The following SOX5 variants were observed in gnomAD, a reference collection of about 807,000 sequenced individuals.
The protein encoded by SOX5 is transcription factor SOX-5.
SOX5 carries 9 observed loss-of-function variants against 92.0 expected under a neutral mutation model. That is an observed-to-expected ratio of 0.10 (90% CI 0.06 to 0.17). SOX5 has a LOEUF of 0.17. SOX5 is among the 10% of genes least tolerant of loss of function. The pLI is 1.00. For synonymous variants in SOX5, 344 were observed against 336.3 expected (o/e 1.02, Z -0.25); for missense variants, 642 against 944.5 (o/e 0.68, Z 4.20).
At chr12:24,503,778 A>T (rs974802159) in intron 1 of SOX5, among the ~76,000 whole-genome samples, 1 of 152,158 alleles carries the variant, frequency 6.6e-6, no homozygotes, top group African/African-American at 2.4e-5. Context: ...GAACAATGAG[A>T]ACACATGGAC....
intron 4 of SOX5, among the ~76,000 whole-genome samples, chr12:24,065,111 T>G (rs1250276934): frequency 6.6e-6 from 1 of 152,104 alleles, no homozygotes; most frequent in Non-Finnish European, 1.5e-5. Flanking sequence ...AAGGGCAGTT[T>G]AGGGATGTGC....
At chr12:24,068,704 G>GTATATATATATATATA (rs1164844032) in intron 4 of SOX5, among the ~76,000 whole-genome samples, 4 of 74,320 alleles carry the variant, frequency 5.4e-5, no homozygotes, top group African/African-American at 2.3e-4. Context: ...GTGTGTGTGT[G>GTATATATATATATATA]TATATATATA....
intron 2 of SOX5, among the ~76,000 whole-genome samples, chr12:23,847,197 C>T (rs765784966): frequency 6.6e-5 from 10 of 151,902 alleles, no homozygotes; most frequent in Non-Finnish European, 1.2e-4. Flanking sequence ...TAATCCTTTA[C>T]CTCTCACAAA....
chr12:24,116,898 G>T (rs993385151), intron 4 of SOX5, among the ~76,000 whole-genome samples: 1 of 150,570 alleles, frequency 6.6e-6, no homozygotes, highest in Non-Finnish European at 1.5e-5. Context: ...ACATATTTAT[G>T]TGTATGTATG....
chr12:23,564,759 T>G (rs1195237729), intron 10 of SOX5, among the ~76,000 whole-genome samples: 1 of 152,250 alleles, frequency 6.6e-6, no homozygotes, highest in Admixed American at 6.5e-5. Context: ...GTCTCAATTA[T>G]GAATGTTCTG....
At chr12:24,547,480 C>T (rs906217449) in intron 1 of SOX5, among the ~76,000 whole-genome samples, 10 of 152,096 alleles carry the variant, frequency 6.6e-5, no homozygotes, top group Admixed American at 2.0e-4. Flanking sequence ...CGTGAGCCAC[C>T]GCGCCCGGCC....
chr12:23,960,285 T>G lies in SOX5; in HGVS notation c.-1-64261A>C, dbSNP rs1946744106. Among the ~76,000 whole-genome samples the G allele has an allele frequency of 2.0e-5, 3 of 152,012 alleles. No individual in the cohort carries two copies. In the South Asian group the frequency reaches 6.2e-4, roughly 32 times the overall value. On this transcript the variant is annotated intron_variant, in intron 4 of 4. Transcript: ENST00000446891. ...GCAAAAGCTTACACACACACTGTGT[T>G]TGTGACCTATGTAAAGTGGCACTCT...
At chr12:24,491,244 A>G (rs569898287) in intron 1 of SOX5, among the ~76,000 whole-genome samples, 1 of 152,282 alleles carries the variant, frequency 6.6e-6, no homozygotes, top group South Asian at 2.1e-4. Context: ...ACTTATCTGT[A>G]ACTCTGACTT....
chr12:23,708,155 T>C (rs1352234269), intron 6 of SOX5, among the ~76,000 whole-genome samples: 1 of 151,670 alleles, frequency 6.6e-6, no homozygotes, highest in Non-Finnish European at 1.5e-5. Flanking sequence ...CAGAAGAATT[T>C]TTTTGTTCTA....
At position 24,044,365 on chromosome 12, in the gene SOX5, T is replaced by G. The variant is rs116350782; in HGVS notation, c.-1-148341A>C. ...CAATAGAACTATGCACAGGGTATAGTAAGTGCCAAAATATTGCTGCCTTTT... is the reference window on the plus strand; with the variant it reads ...CAATAGAACTATGCACAGGGTATAGGAAGTGCCAAAATATTGCTGCCTTTT... On this transcript the variant is annotated intron_variant, in intron 4 of 4. Coordinates refer to the SOX5 transcript ENST00000446891. Among the ~76,000 whole-genome samples, 890 of 152,302 alleles carry G rather than the reference T, an allele frequency of 5.8e-3. 10 individuals are homozygous for G. The highest frequency in any genetic ancestry group is 0.02 in the African/African-American group (845 of 41,558).
In SOX5 at chr12:24,213,288, T is replaced by C. The variant is rs539557424; in HGVS notation, c.-2+55A>G. ...AAGCAAGTGGCAAGAGATTTGAGAA[T>C]TGTAAAACTGATGGCAAAAGAATGA... is the stretch of plus-strand genomic sequence containing the variant. On this transcript the variant is annotated intron_variant, in intron 4 of 4. Transcript: ENST00000446891. The C allele has an allele frequency of 4.6e-5, 7 of 151,980 alleles. No individual in the cohort carries two copies. In the East Asian group the frequency reaches 1.4e-3, roughly 29 times the overall value. 9.4% of individuals were successfully genotyped at this position (151,980 alleles called of 1,614,324 possible).
intron 7 of SOX5, among the ~76,000 whole-genome samples, chr12:23,664,108 T>G (rs1284600418): frequency 6.6e-6 from 1 of 152,130 alleles, no homozygotes; most frequent in Non-Finnish European, 1.5e-5. Context: ...CTCAAATTGC[T>G]TTGCATATTT....
At chr12:24,141,385 T>C (rs552217437) in intron 4 of SOX5, among the ~76,000 whole-genome samples, 5 of 152,196 alleles carry the variant, frequency 3.3e-5, no homozygotes, top group Non-Finnish European at 7.3e-5. Context: ...ACAGTGGATA[T>C]ATTGACAGGA....
intron 3 of SOX5, among the ~76,000 whole-genome samples, chr12:23,786,308 T>C (rs888319921): frequency 4.6e-5 from 7 of 151,996 alleles, no homozygotes; most frequent in East Asian, 3.9e-4. Context: ...GTTCAAACTA[T>C]TGTATGTAGC....
At chr12:23,817,977 G>C (rs1303545401) in intron 3 of SOX5, among the ~76,000 whole-genome samples, 1 of 152,170 alleles carries the variant, frequency 6.6e-6, no homozygotes, top group Admixed American at 6.5e-5. Flanking sequence ...AAAAAACAAA[G>C]GTTAAAGTTG....
intron 2 of SOX5, among the ~76,000 whole-genome samples, chr12:23,855,538 G>T (rs1350684752): frequency 2.0e-5 from 3 of 151,968 alleles, no homozygotes; most frequent in Non-Finnish European, 4.4e-5. Flanking sequence ...TACTTTTTAT[G>T]TCATGTTTCT....
At chr12:23,969,010 G>T (rs999878562) in intron 4 of SOX5, among the ~76,000 whole-genome samples, 1 of 151,956 alleles carries the variant, frequency 6.6e-6, no homozygotes, top group Non-Finnish European at 1.5e-5. Flanking sequence ...AACTCAACAC[G>T]TCCCCAAATT....
chr12:23,920,176 A>G (rs1018840909), intron 1 of SOX5: 1 of 152,246 alleles, frequency 6.6e-6, no homozygotes, highest in Non-Finnish European at 1.5e-5. Context: ...GTTAGTTTTA[A>G]TAAACTTCGA....
At chr12:23,993,138 G>A (rs186729226) in intron 4 of SOX5, among the ~76,000 whole-genome samples, 2 of 152,066 alleles carry the variant, frequency 1.3e-5, no homozygotes, top group African/African-American at 4.8e-5. Context: ...CTACACTCTG[G>A]TCTATAGGCT....
Sources: gnomAD v4.1 joint callset for allele counts (sites outside exome capture counted in the v4.1 genomes callset) on GRCh38, gnomAD v4.1.1 for gene constraint, MANE v1.5 for transcripts, NCBI Gene and HGNC (gene_info 2026-07-23, HGNC 2026-07-21) for gene names.